The following STX7 variants were observed in gnomAD, a reference collection of about 807,000 sequenced individuals.
STX7 encodes syntaxin 7.
In STX7, 34 loss-of-function variants were observed where a neutral mutation model predicts 39.6. The observed-to-expected ratio is 0.86, with a 90% CI of 0.65 to 1.14. STX7 has a LOEUF of 1.14. STX7 is among the 50% of genes most tolerant of loss of function. The pLI, the probability that STX7 is intolerant of heterozygous loss-of-function variation, is 0.00. For synonymous variants in STX7, 119 were observed against 99.1 expected (o/e 1.20, Z -1.19); for missense variants, 284 against 310.4 (o/e 0.92, Z 0.64).
intron 2 of STX7, among the ~76,000 whole-genome samples, chr6:132,489,649 C>G (rs1775227754): frequency 6.6e-6 from 1 of 152,180 alleles, no homozygotes; most frequent in Non-Finnish European, 1.5e-5. Flanking sequence ...AAGGATGAGT[C>G]TCGAGGCTGG....
intron 2 of STX7, among the ~76,000 whole-genome samples, chr6:132,493,988 C>G (rs1006990791): frequency 6.6e-5 from 10 of 152,094 alleles, no homozygotes; most frequent in African/African-American, 2.4e-4. Context: ...AATAACTAGT[C>G]ATTATTATAG....
At chr6:132,511,973 A>C (rs1250724826) in intron 1 of STX7, among the ~76,000 whole-genome samples, 2 of 152,298 alleles carry the variant, frequency 1.3e-5, no homozygotes, top group South Asian at 4.1e-4. Flanking sequence ...ACCTCTACAG[A>C]AACTGTGAAG....
In STX7 at chr6:132,454,420, A is replaced by C. The variant is rs914205413; in HGVS notation, c.*6338T>G. The C allele has an allele frequency of 6.6e-6, 1 of 152,174 alleles. No homozygotes were observed. The highest frequency in any genetic ancestry group is 2.4e-5 in the African/African-American group (1 of 41,456). 9.4% of individuals were successfully genotyped at this position (152,174 alleles called of 1,614,324 possible). The stretch of plus-strand genomic sequence containing the variant: ...TATCCTGGGTATGATATTGTATGAC[A>C]GTTTTGAAAGATGTTCACTGTGTGG... On this transcript the variant is annotated 3_prime_UTR_variant, in exon 10 of 10. Coordinates refer to ENST00000367941, the MANE Select transcript of STX7 (RefSeq NM_003569.3).
At chr6:132,472,409 A>C in intron 3 of STX7, 34 bp from the exon 4 acceptor site, 1 of 1,495,588 alleles carries the variant, frequency 6.7e-7, no homozygotes, top group Non-Finnish European at 9.2e-7. Flanking sequence ...CAGCCAAAGG[A>C]CTAATATACT....
chr6:132,470,693 A>C, intron 5 of STX7, 67 bp from the exon 6 acceptor site: 2 of 1,120,434 alleles, frequency 1.8e-6, no homozygotes, highest in South Asian at 2.6e-5. Context: ...AAAAATAAAC[A>C]CTCATATTTT....
At chr6:132,468,529 A>AAT in intron 7 of STX7, 54 bp from the exon 8 acceptor site, 1 of 1,455,652 alleles carries the variant, frequency 6.9e-7, no homozygotes, top group Non-Finnish European at 9.4e-7. Flanking sequence ...CCATTCCATA[A>AAT]AAGAGGAAAA....
Position 132,509,508 on chromosome 6 carries a change from ATAAC to A in STX7, c.-59+3495_-59+3498del, listed in dbSNP as rs1562343766. Among the ~76,000 whole-genome samples, 909 of 136,752 alleles carry A rather than the reference ATAAC, an allele frequency of 6.6e-3. 117 individuals carry two copies. The highest frequency in any genetic ancestry group is 0.023 in the African/African-American group (865 of 36,980). 89.7% of individuals were successfully genotyped at this position (136,752 alleles called of 152,430 possible). On this transcript the variant is annotated intron_variant, in intron 1 of 9. Transcript: ENST00000367941. ...ATAACATAACATAACATAACATAACATAACATAAAATAAAAAAAGACAAAAGAAA... is the reference window on the plus strand; with the variant it reads ...ATAACATAACATAACATAACATAACAATAAAATAAAAAAAGACAAAAGAAA...
At chr6:132,464,162 T>C (rs1774498144) in intron 8 of STX7, 87 bp from the exon 9 acceptor site, 2 of 1,264,144 alleles carry the variant, frequency 1.6e-6, no homozygotes, top group Non-Finnish European at 1.1e-6. Flanking sequence ...CAAGGTAAGA[T>C]TAAATATGGT....
At chr6:132,504,357 C>A (rs1440624026) in intron 1 of STX7, among the ~76,000 whole-genome samples, 1 of 152,134 alleles carries the variant, frequency 6.6e-6, no homozygotes, top group Non-Finnish European at 1.5e-5. Context: ...CAGCCAGCAT[C>A]TCAGAATAGA....
chr6:132,470,747 A>ATG (rs140681581), intron 5 of STX7, 121 bp from the exon 6 acceptor site: 6,560 of 582,702 alleles, frequency 0.011, 313 homozygotes, highest in African/African-American at 0.11. Context: ...GTCTGTGTGT[A>ATG]TGTGTGTGTG....
rs1774020283 is a variant in STX7, at chr6:132,446,643, G to A, written c.*14115C>T. On this transcript the variant is annotated 3_prime_UTR_variant, in exon 10 of 10. Transcript: ENST00000367941. Reference sequence around the variant, plus strand: ...AATGAATGACTCTACCCAAGCTTGTGTCTTTGTCTCGAAGCTGTATCTTCC... The same window carrying A: ...AATGAATGACTCTACCCAAGCTTGTATCTTTGTCTCGAAGCTGTATCTTCC... 2 of 152,276 alleles carry A rather than the reference G, an allele frequency of 1.3e-5. No individual in the cohort carries two copies. Among genetic ancestry groups the A allele is most frequent in the South Asian group, 2.1e-4 (1 of 4,828 alleles). The allele number at this position is 152,276 out of a possible 1,614,324, so 9.4% of individuals were successfully genotyped here.
chr6:132,505,977 A>G (rs1775697535), intron 1 of STX7, among the ~76,000 whole-genome samples: 1 of 152,168 alleles, frequency 6.6e-6, no homozygotes, highest in East Asian at 1.9e-4. Flanking sequence ...AAAGTTGACA[A>G]AAACATACAC....
At chr6:132,479,985 G>C (rs974930375) in intron 2 of STX7, among the ~76,000 whole-genome samples, 1 of 152,144 alleles carries the variant, frequency 6.6e-6, no homozygotes, top group African/African-American at 2.4e-5. Context: ...CCATCTTGGA[G>C]GAGGCAGAAT....
intron 2 of STX7, among the ~76,000 whole-genome samples, chr6:132,503,009 A>G (rs1775615272): frequency 1.3e-5 from 2 of 152,174 alleles, no homozygotes; most frequent in Non-Finnish European, 2.9e-5. Flanking sequence ...AAGGTACCAC[A>G]TACTTGCCCA....
At chr6:132,506,448 T>C (rs928725755) in intron 1 of STX7, among the ~76,000 whole-genome samples, 1 of 152,054 alleles carries the variant, frequency 6.6e-6, no homozygotes, top group East Asian at 1.9e-4. Flanking sequence ...AGCACATGAA[T>C]AGACATTTTT....
At chr6:132,476,527 T>C (rs1774879308) in intron 2 of STX7, among the ~76,000 whole-genome samples, 2 of 152,112 alleles carry the variant, frequency 1.3e-5, no homozygotes, top group African/African-American at 4.8e-5. Flanking sequence ...CTGTATGATT[T>C]TTGACTGGAT....
At chr6:132,487,899 G>A (rs1277709292) in intron 2 of STX7, among the ~76,000 whole-genome samples, 2 of 151,360 alleles carry the variant, frequency 1.3e-5, no homozygotes, top group East Asian at 1.9e-4. Context: ...TTCTCCCTTC[G>A]ATTTCCACTA....
chr6:132,472,193 C>T, intron 4 of STX7, 89 bp downstream of exon 4: 1 of 924,642 alleles, frequency 1.1e-6, no homozygotes, highest in Non-Finnish European at 1.6e-6. Flanking sequence ...AGCATAATTT[C>T]CTTTCTAGCG....
chr6:132,480,337 T>C (rs992647184), intron 2 of STX7, among the ~76,000 whole-genome samples: 4 of 152,184 alleles, frequency 2.6e-5, no homozygotes, highest in Non-Finnish European at 5.9e-5. Flanking sequence ...AGGATCCTTA[T>C]GGTCTCAAAG....
Sources: gnomAD v4.1 joint callset for allele counts (sites outside exome capture counted in the v4.1 genomes callset) on GRCh38, gnomAD v4.1.1 for gene constraint, MANE v1.5 for transcripts, NCBI Gene and HGNC (gene_info 2026-07-23, HGNC 2026-07-21) for gene names.